Variants in SLF1 observed in about 807,000 individuals in gnomAD.
SLF1 encodes the protein SMC5-SMC6 complex localization factor protein 1.
A neutral mutation model predicts 123.0 loss-of-function variants in SLF1; 105 were observed. That is an observed-to-expected ratio of 0.85 (90% CI 0.73 to 1.00). The LOEUF is 1.00. Among genes scored for constraint, SLF1 ranks in the 50% least tolerant of loss-of-function variants. The probability of loss-of-function intolerance (pLI) is 0.00; values close to 1 mark genes in which losing one functional copy is unlikely to be tolerated. For missense variants in SLF1, 1,239 were observed against 1,223.0 expected, an observed-to-expected ratio of 1.01 and a Z score of -0.20; for synonymous variants, 434 against 406.6, an observed-to-expected ratio of 1.07 and a Z score of -0.81.
At chr5:94,620,887 G>A (rs1235982073) in intron 1 of SLF1, among the ~76,000 whole-genome samples, 3 of 152,060 alleles carry the variant, frequency 2.0e-5, no homozygotes, top group African/African-American at 7.2e-5. Context: ...TACACTGTCT[G>A]GTTATTTTTG....
At chr5:94,666,191 A>G (rs1040512450) in intron 12 of SLF1, among the ~76,000 whole-genome samples, 167 bp downstream of exon 12, 2 of 152,214 alleles carry the variant, frequency 1.3e-5, no homozygotes. Flanking sequence ...AGGCAAATCT[A>G]TATTGGTCAT....
intron 9 of SLF1, among the ~76,000 whole-genome samples, chr5:94,660,917 G>A (rs76486924): frequency 0.036 from 5,507 of 152,218 alleles, 223 homozygotes; most frequent in East Asian, 0.21. Flanking sequence ...TCCTTAGGAT[G>A]TAGGACACTG....
intron 12 of SLF1, among the ~76,000 whole-genome samples, chr5:94,666,904 C>T (rs891345138): frequency 2.0e-5 from 3 of 150,390 alleles, no homozygotes; most frequent in Non-Finnish European, 3.0e-5. Context: ...CTTGGGCTCC[C>T]AAAGTCCTGG....
intron 4 of SLF1, among the ~76,000 whole-genome samples, chr5:94,642,246 A>T (rs73140285): frequency 0.074 from 11,276 of 152,222 alleles, 463 homozygotes; most frequent in South Asian, 0.12. Context: ...TAGCCCACTT[A>T]TGCTGTCAAG....
chr5:94,673,516 AAAAAC>A (rs1750708670), intron 14 of SLF1, among the ~76,000 whole-genome samples: 2 of 152,074 alleles, frequency 1.3e-5, no homozygotes, highest in African/African-American at 2.4e-5. Context: ...TCTCTACCAA[AAAAAC>A]AAAACAAAAC....
chr5:94,661,040 T>C (rs1245018431), intron 9 of SLF1, among the ~76,000 whole-genome samples: 1 of 152,156 alleles, frequency 6.6e-6, no homozygotes, highest in Non-Finnish European at 1.5e-5. Context: ...TTAGGCACTG[T>C]TGGGCCACAG....
intron 12 of SLF1, among the ~76,000 whole-genome samples, chr5:94,668,631 A>T (rs973900251): frequency 6.6e-6 from 1 of 151,856 alleles, no homozygotes; most frequent in African/African-American, 2.4e-5. Context: ...CTACTGTGCC[A>T]GGCCTACATG....
In SLF1 at chr5:94,638,419, C is replaced by T. The variant is rs577490283; in HGVS notation, c.432-4854C>T. ...TAGTCTCGATCTCTGACCTCGTGAT[C>T]TGCCCGCCTCGGCCTCCCAAAGTGC... On this transcript the variant is annotated intron_variant, in intron 4 of 20. Transcript: ENST00000265140. 3.3e-5 allele frequency among the ~76,000 whole-genome samples: 5 copies of T among 152,254 alleles called. No individual in the cohort carries two copies. In the South Asian group the frequency reaches 1.0e-3, roughly 32 times the overall value.
At chr5:94,623,269 G>A (rs58408645) in intron 1 of SLF1, among the ~76,000 whole-genome samples, 12,422 of 152,050 alleles carry the variant, frequency 0.082, 560 homozygotes, top group South Asian at 0.12. Context: ...ACAGTTGCTT[G>A]CTATGCATAA....
At chr5:94,684,084 C>T (rs1265611078) in intron 15 of SLF1, among the ~76,000 whole-genome samples, 1 of 152,060 alleles carries the variant, frequency 6.6e-6, no homozygotes, top group Non-Finnish European at 1.5e-5. Flanking sequence ...TATAAGCCTA[C>T]CAGATGTGAT....
chr5:94,663,722 C>G, intron 10 of SLF1, 28 bp from the exon 11 acceptor site: 1 of 1,459,240 alleles, frequency 6.9e-7, no homozygotes, highest in Non-Finnish European at 9.1e-7. Flanking sequence ...TTTCTTTTCT[C>G]TGAATCATAG....
intron 15 of SLF1, among the ~76,000 whole-genome samples, chr5:94,685,833 C>CAAA (rs758208359): frequency 2.7e-5 from 3 of 110,672 alleles, no homozygotes; most frequent in African/African-American, 1.0e-4. Context: ...GACTCCGTCT[C>CAAA]AAAAAAAAAA....
At chr5:94,685,883 A>C (rs1414861455) in intron 15 of SLF1, among the ~76,000 whole-genome samples, 2 of 151,930 alleles carry the variant, frequency 1.3e-5, no homozygotes, top group African/African-American at 4.8e-5. Context: ...AGTGGGTGCA[A>C]ACTTCTGAGG....
chr5:94,687,043 C>T (rs939180860), intron 16 of SLF1, among the ~76,000 whole-genome samples: 2 of 152,148 alleles, frequency 1.3e-5, no homozygotes, highest in African/African-American at 2.4e-5. Context: ...GGATTACAGG[C>T]GTGAGCCACC....
At chr5:94,652,345 C>G (rs1441976404) in intron 7 of SLF1, among the ~76,000 whole-genome samples, 2 of 152,138 alleles carry the variant, frequency 1.3e-5, no homozygotes, top group Non-Finnish European at 1.5e-5. Context: ...CTTTCTCCCT[C>G]TTACCTAGAA....
chr5:94,666,953 CTTTTTT>C (rs34215806), intron 12 of SLF1, among the ~76,000 whole-genome samples: 1 of 104,618 alleles, frequency 9.6e-6, no homozygotes, highest in Non-Finnish European at 1.8e-5. Context: ...CTGGGAAGAT[CTTTTTT>C]TTTTTTTTTT....
intron 12 of SLF1, 113 bp from the exon 13 acceptor site, chr5:94,670,033 CTATTT>C: frequency 9.4e-7 from 1 of 1,059,588 alleles, no homozygotes; most frequent in Non-Finnish European, 1.3e-6. Context: ...GTTGAACTTT[CTATTT>C]TAAGAAAATT....
intron 4 of SLF1, among the ~76,000 whole-genome samples, chr5:94,637,087 G>A (rs1585120417): frequency 6.6e-6 from 1 of 151,928 alleles, no homozygotes; most frequent in South Asian, 2.1e-4. Context: ...ATTCCTTTAG[G>A]GTCCATTGTT....
At chr5:94,663,399 T>G (rs1188413319) in intron 10 of SLF1, among the ~76,000 whole-genome samples, 1 of 152,250 alleles carries the variant, frequency 6.6e-6, no homozygotes, top group African/African-American at 2.4e-5. Context: ...ATCCCAGCAC[T>G]TTGGGAGGCC....
Sources: gnomAD v4.1 joint callset for allele counts (sites outside exome capture counted in the v4.1 genomes callset) on GRCh38, gnomAD v4.1.1 for gene constraint, MANE v1.5 for transcripts, NCBI Gene and HGNC (gene_info 2026-07-23, HGNC 2026-07-21) for gene names.